Variants in LRRTM4 observed in about 807,000 individuals in gnomAD.
LRRTM4 encodes leucine-rich repeat transmembrane neuronal protein 4.
LRRTM4 carries 25 observed loss-of-function variants against 47.6 expected under a neutral mutation model. That is an observed-to-expected ratio of 0.53 (90% confidence interval 0.38 to 0.73). LRRTM4 has a LOEUF of 0.73. Among genes scored for constraint, LRRTM4 ranks in the 30% least tolerant of loss-of-function variants. The probability of loss-of-function intolerance (pLI) is 0.00; values close to 1 mark genes in which losing one functional copy is unlikely to be tolerated. For synonymous variants in LRRTM4, 311 were observed against 269.5 expected, an observed-to-expected ratio of 1.15 and a Z score of -1.51; for missense variants, 638 against 713.4, an observed-to-expected ratio of 0.89 and a Z score of 1.20.
chr2:76,879,735 C>A (rs1300328493), intron 3 of LRRTM4, among the ~76,000 whole-genome samples: 1 of 152,106 alleles, frequency 6.6e-6, no homozygotes, highest in Non-Finnish European at 1.5e-5. Flanking sequence ...CAGATCTGGG[C>A]AAAGTAAATT....
At chr2:77,180,613 TAG>T (rs1005868308) in intron 3 of LRRTM4, among the ~76,000 whole-genome samples, 52 of 152,284 alleles carry the variant, frequency 3.4e-4, no homozygotes, top group African/African-American at 1.2e-3. Flanking sequence ...TTCCTTTCCT[TAG>T]AGAGTTTGTG....
At position 76,791,635 on chromosome 2, in the gene LRRTM4, T is replaced by G. The variant is rs75563059; in HGVS notation, c.1552-42719A>C. ...AATGCTTCAGAATTATACACAAAAC[T>G]TTCTTAAGCTGTGAGAACCAGTTAA... On this transcript the variant is annotated intron_variant, in intron 3 of 3. Coordinates refer to ENST00000409884, the MANE Select transcript of LRRTM4 (RefSeq NM_001134745.3). Among the ~76,000 whole-genome samples the G allele has an allele frequency of 7.5e-3, 1,144 of 152,272 alleles. 13 individuals are homozygous for G. Among genetic ancestry groups the G allele is most frequent in the African/African-American group, 0.026 (1,077 of 41,554 alleles).
intron 3 of LRRTM4, among the ~76,000 whole-genome samples, chr2:76,813,943 T>C (rs902284353): frequency 3.3e-5 from 5 of 152,158 alleles, no homozygotes; most frequent in African/African-American, 9.7e-5. Flanking sequence ...TCTTAGTCTT[T>C]ATCTAATTTT....
chr2:77,196,724 C>T (rs970797456), intron 3 of LRRTM4, among the ~76,000 whole-genome samples: 1 of 151,988 alleles, frequency 6.6e-6, no homozygotes, highest in African/African-American at 2.4e-5. Flanking sequence ...TTGGATGACA[C>T]AGTGAGATCC....
At chr2:77,044,524 T>G (rs1679165833) in intron 3 of LRRTM4, among the ~76,000 whole-genome samples, 1 of 151,704 alleles carries the variant, frequency 6.6e-6, no homozygotes, top group African/African-American at 2.4e-5. Flanking sequence ...TCTAAACATA[T>G]GCAGATATTA....
At chr2:76,826,841 T>A (rs1671204238) in intron 3 of LRRTM4, among the ~76,000 whole-genome samples, 1 of 151,800 alleles carries the variant, frequency 6.6e-6, no homozygotes, top group Non-Finnish European at 1.5e-5. Flanking sequence ...GGAATAAAAA[T>A]AACTGTAAAG....
Position 76,777,894 on chromosome 2 carries a change from GTTTGTCA to G in LRRTM4, c.1552-28985_1552-28979del, listed in dbSNP as rs1157368957. On this transcript the variant is annotated intron_variant, in intron 3 of 3. Coordinates refer to ENST00000409884, the MANE Select transcript of LRRTM4 (RefSeq NM_001134745.3). ...CCATTCAGTATGATATTGGCTGTGG[GTTTGTCA>G]TAGATAGCTCTTATTATTTTGAAAT... 8.0e-5 allele frequency among the ~76,000 whole-genome samples: 11 copies of G among 137,260 alleles called. No individual in the cohort carries two copies. In the Admixed American group the frequency reaches 8.1e-4, roughly 10 times the overall value. 90.0% of individuals were successfully genotyped at this position (137,260 alleles called of 152,430 possible).
At chr2:77,090,412 T>C (rs1670569072) in intron 3 of LRRTM4, among the ~76,000 whole-genome samples, 1 of 152,144 alleles carries the variant, frequency 6.6e-6, no homozygotes, top group African/African-American at 2.4e-5. Context: ...ATACATTTTA[T>C]TACCCAATCT....
At chr2:77,409,704 A>G (rs1459916384) in intron 3 of LRRTM4, among the ~76,000 whole-genome samples, 1 of 152,130 alleles carries the variant, frequency 6.6e-6, no homozygotes, top group Non-Finnish European at 1.5e-5. Context: ...CATGACATTC[A>G]CTTACCAAGG....
intron 3 of LRRTM4, among the ~76,000 whole-genome samples, chr2:76,947,926 C>A (rs1447545241): frequency 3.3e-5 from 5 of 151,818 alleles, no homozygotes; most frequent in African/African-American, 4.8e-5. Context: ...TTAGAAGCTG[C>A]CCAAATATCC....
intron 3 of LRRTM4, among the ~76,000 whole-genome samples, chr2:76,825,837 G>A (rs1032754122): frequency 5.9e-5 from 9 of 151,538 alleles, no homozygotes; most frequent in African/African-American, 2.2e-4. Flanking sequence ...TGCTGGAAAA[G>A]AAAAATGAGA....
intron 3 of LRRTM4, among the ~76,000 whole-genome samples, chr2:77,170,813 GGTAT>G (rs749716948): frequency 2.9e-4 from 44 of 149,952 alleles, no homozygotes; most frequent in Non-Finnish European, 5.2e-4. Flanking sequence ...TCAAAAAAAG[GGTAT>G]GTATGTATGT....
At chr2:77,020,987 C>T (rs528919264) in intron 3 of LRRTM4, among the ~76,000 whole-genome samples, 1 of 152,178 alleles carries the variant, frequency 6.6e-6, no homozygotes, top group South Asian at 2.1e-4. Context: ...GTATGTGTCT[C>T]ACCATTATAT....
At chr2:77,403,638 G>A (rs1037400721) in intron 3 of LRRTM4, among the ~76,000 whole-genome samples, 9 of 151,814 alleles carry the variant, frequency 5.9e-5, no homozygotes, top group Admixed American at 4.6e-4. Flanking sequence ...CATTGGGGCT[G>A]TGATGTGGCA....
chr2:77,502,916 G>A (rs910245548), intron 3 of LRRTM4, among the ~76,000 whole-genome samples: 2 of 151,338 alleles, frequency 1.3e-5, no homozygotes, highest in Admixed American at 1.3e-4. Context: ...TGTCCAAGGA[G>A]AAAGAATGCA....
chr2:76,913,308 T>C (rs893735005), intron 3 of LRRTM4, among the ~76,000 whole-genome samples: 6 of 152,010 alleles, frequency 3.9e-5, no homozygotes, highest in Non-Finnish European at 8.8e-5. Context: ...TATTACTGGG[T>C]ATTTTTTTTT....
intron 3 of LRRTM4, among the ~76,000 whole-genome samples, chr2:76,806,309 C>A (rs934423048): frequency 6.6e-6 from 1 of 152,096 alleles, no homozygotes; most frequent in African/African-American, 2.4e-5. Flanking sequence ...CCGGCCCGTG[C>A]GGTGGCTCAC....
chr2:77,129,002 T>G (rs889398098), intron 3 of LRRTM4, among the ~76,000 whole-genome samples: 1 of 152,232 alleles, frequency 6.6e-6, no homozygotes, highest in Non-Finnish European at 1.5e-5. Context: ...TTTTTATTCA[T>G]GTCATGTTTT....
At chr2:77,161,447 G>T (rs1250130483) in intron 3 of LRRTM4, among the ~76,000 whole-genome samples, 1 of 152,096 alleles carries the variant, frequency 6.6e-6, no homozygotes. Flanking sequence ...CATCCTCCTG[G>T]TTCGGTTGCC....
Sources: allele counts gnomAD v4.1 joint callset (sites outside exome capture counted in the v4.1 genomes callset), GRCh38; gene constraint gnomAD v4.1.1; transcripts MANE v1.5; gene names NCBI Gene and HGNC (gene_info 2026-07-23, HGNC 2026-07-21).